Variants in DHRS1 observed in about 807,000 individuals in gnomAD.
DHRS1 encodes the protein dehydrogenase/reductase 1.
Under a neutral mutation model 35.2 loss-of-function variants are expected in DHRS1, and 34 were observed. That is an observed-to-expected ratio of 0.97 (90% CI 0.74 to 1.29). The LOEUF is 1.29. Ranked by LOEUF, DHRS1 falls within the 50% of genes most tolerant of loss-of-function variation. DHRS1 has a pLI of 0.00. For synonymous variants in DHRS1, 133 were observed against 160.0 expected, an observed-to-expected ratio of 0.83 and a Z score of 1.27; for missense variants, 354 against 403.6, an observed-to-expected ratio of 0.88 and a Z score of 1.05.
In DHRS1 at chr14:24,296,554, T is replaced by C; in HGVS notation, c.329A>G (p.Glu110Gly). ...ILNTRNKAFW[E>G]TPASMWDDIN... ...ATCATCCCACATGGAGGCAGGGGTT[T>C]CCCAGAATGCCTTATTCCTGGTGTT... is the stretch of plus-strand genomic sequence containing the variant. Residue 110 changes from glutamate to glycine, a missense_variant, in exon 4 of 9, where the codon GAA (glutamate) becomes GGA (glycine). Physicochemically the swap from Glu to Gly is moderately conservative, Grantham distance 98 (BLOSUM62 -2). Coordinates refer to ENST00000288111, the MANE Select transcript of DHRS1 (RefSeq NM_001136050.3). The C allele has an allele frequency of 6.2e-7, 1 of 1,614,174 alleles. No homozygotes were observed. Among genetic ancestry groups the C allele is most frequent in the African/African-American group, 1.3e-5 (1 of 75,022 alleles).
chr14:24,294,700 G>A (rs2041219637), intron 4 of DHRS1: 1 of 152,186 alleles, frequency 6.6e-6, no homozygotes, highest in Non-Finnish European at 1.5e-5. Context: ...AAATGCCAAA[G>A]TCATTTGTTT....
chr14:24,296,363 G>C, intron 4 of DHRS1, 146 bp downstream of exon 4: 1 of 765,664 alleles, frequency 1.3e-6, no homozygotes, highest in East Asian at 2.6e-5. Context: ...AACTTCTCCA[G>C]AGGTAAGTGG....
chr14:24,299,484 C>A (rs943954582), intron 1 of DHRS1, 97 bp downstream of exon 1: 8 of 218,946 alleles, frequency 3.7e-5, no homozygotes, highest in African/African-American at 1.8e-4. Context: ...CTGGCCTGAC[C>A]CAGTCCGGCT....
chr14:24,292,379 T>G, intron 5 of DHRS1, 49 bp from the exon 6 acceptor site: 2 of 1,608,906 alleles, frequency 1.2e-6, no homozygotes, highest in South Asian at 2.2e-5. Flanking sequence ...CATGTCACTT[T>G]CCTGCCCTGC....
chr14:24,291,185 C>T lies in DHRS1; in HGVS notation c.759G>A (p.Leu253=), dbSNP rs147405102. The change falls in exon 8 of 9, where the codon CTG becomes CTA. Residue 253 remains leucine, a synonymous_variant. Transcript: ENST00000288111. The part of the protein sequence containing the change: ...PNILSLSGKV[L]PSCDLARRYG... The stretch of plus-strand genomic sequence containing the variant: ...AGCGTCGAGCAAGGTCACAGGATGG[C>T]AGCACCTTACCACTCAGGCTCAGGA... The T allele has an allele frequency of 4.8e-5, 78 of 1,614,050 alleles. No individual in the cohort carries two copies. The highest frequency in any genetic ancestry group is 1.2e-4 in the Admixed American group (7 of 60,002).
At position 24,290,686 on chromosome 14, in the gene DHRS1, C is replaced by T. The variant is rs145354185; in HGVS notation, c.*173G>A. The stretch of plus-strand genomic sequence containing the variant: ...AAAAGAAGGACAAGGAAAACCAAGG[C>T]ACAAAGAAGGGACCTAGGCGCACCC... On this transcript the variant is annotated 3_prime_UTR_variant, in exon 9 of 9. Coordinates refer to ENST00000288111, the MANE Select transcript of DHRS1 (RefSeq NM_001136050.3). 2 of 678,980 alleles carry T rather than the reference C, an allele frequency of 2.9e-6. No homozygotes were observed. Among genetic ancestry groups the T allele is most frequent in the Non-Finnish European group, 4.9e-6 (2 of 409,360 alleles). 42.1% of individuals were successfully genotyped at this position (678,980 alleles called of 1,614,324 possible).
chr14:24,291,635 AG>A lies in DHRS1; in HGVS notation c.655-11del, dbSNP rs1172775921. The A allele has an allele frequency of 1.2e-6, 2 of 1,613,574 alleles. No individual in the cohort carries two copies. Among genetic ancestry groups the A allele is most frequent in the Non-Finnish European group, 1.7e-6 (2 of 1,179,628 alleles). On this transcript the variant is annotated splice_polypyrimidine_tract_variant and intron_variant, in intron 6 of 8. Transcript: ENST00000288111. ...AGAAGGCTGATTTGAACTGAAACACAGGGGCAGAGAAGTGAAGGGTTAATTT... is the reference window on the plus strand; with the variant it reads ...AGAAGGCTGATTTGAACTGAAACACAGGGCAGAGAAGTGAAGGGTTAATTT...
intron 4 of DHRS1, chr14:24,293,823 T>C (rs2139092848): frequency 6.6e-6 from 1 of 151,978 alleles, no homozygotes; most frequent in African/African-American, 2.4e-5. Flanking sequence ...ACCCCGTCTC[T>C]AAAAAATAAA....
At chr14:24,296,635 G>A (rs777276413) in intron 3 of DHRS1, 47 bp from the exon 4 acceptor site, 2 of 1,613,664 alleles carry the variant, frequency 1.2e-6, no homozygotes, top group Non-Finnish European at 1.7e-6. Context: ...GTAGGGAGGT[G>A]TGAGGGGCTG....
At chr14:24,291,245 T>C in intron 7 of DHRS1, 26 bp from the exon 8 acceptor site, 2 of 1,611,628 alleles carry the variant, frequency 1.2e-6, no homozygotes, top group South Asian at 1.1e-5. Context: ...CAGGTGGAGA[T>C]GGCAGGCAGG....
chr14:24,290,893 T>G lies in DHRS1; in HGVS notation c.908A>C (p.Lys303Thr). 1 of 1,613,652 alleles carries G rather than the reference T, an allele frequency of 6.2e-7. No individual in the cohort carries two copies. Among genetic ancestry groups the G allele is most frequent in the Non-Finnish European group, 8.5e-7 (1 of 1,179,898 alleles). Residue 303 changes from lysine (K) to threonine (T), a missense_variant, in exon 9 of 9, where the codon AAG becomes ACG. Lys to Thr is a moderately conservative substitution (Grantham distance 78). Coordinates refer to ENST00000288111, the MANE Select transcript of DHRS1 (RefSeq NM_001136050.3). ...SYLPSFLRVP[K>T]WIIALYTSKF The stretch of plus-strand genomic sequence containing the variant: ...GCTAGTGTAGAGGGCAATAATCCAC[T>G]TGGGCACACGGAGGAAGGAGGGCAG...
chr14:24,292,214 C>T lies in DHRS1; in HGVS notation c.624G>A (p.Glu208=), dbSNP rs762614423. ...TELLKEHMAK[E]EVLQDPVLKQ... Reference sequence around the variant, plus strand: ...TCAACACAGGATCCTGCAGGACCTCCTCCTTTGCCATATGCTCCTTCAGCA... The same window carrying T: ...TCAACACAGGATCCTGCAGGACCTCTTCCTTTGCCATATGCTCCTTCAGCA... Residue 208 remains glutamate (E), a synonymous_variant, in exon 6 of 9, where the codon GAG becomes GAA. Coordinates refer to ENST00000288111, the MANE Select transcript of DHRS1 (RefSeq NM_001136050.3). The T allele has an allele frequency of 6.2e-7, 1 of 1,614,196 alleles. No individual in the cohort carries two copies. The highest frequency in any genetic ancestry group is 1.1e-5 in the South Asian group (1 of 91,078).
intron 6 of DHRS1, 43 bp downstream of exon 6, chr14:24,292,141 C>T (rs372000290): frequency 7.4e-6 from 12 of 1,612,242 alleles, no homozygotes; most frequent in Middle Eastern, 1.7e-4. Context: ...ATGCAGAGGC[C>T]GACTCCCCTG....
At chr14:24,291,257 G>T (rs1035816061) in intron 7 of DHRS1, 38 bp from the exon 8 acceptor site, 1 of 1,600,142 alleles carries the variant, frequency 6.2e-7, no homozygotes, top group Non-Finnish European at 8.6e-7. Flanking sequence ...GCAGGCAGGG[G>T]AGTATGCAGA....
Position 24,299,305 on chromosome 14 carries a change from G to C in DHRS1, c.-24-175C>G, listed in dbSNP as rs1398433319. On this transcript the variant is annotated intron_variant, in intron 1 of 8. Coordinates refer to ENST00000288111, the MANE Select transcript of DHRS1 (RefSeq NM_001136050.3). ...TGGGTGCGGGCCTGAGGACAAGGCT[G>C]ACTGTCTTTTGGGAGGCCCAGAGAG... 8 of 591,722 alleles carry C rather than the reference G, an allele frequency of 1.4e-5. No homozygotes were observed. The Admixed American group carries it at 2.5e-4, about 19-fold the overall frequency. 36.7% of individuals were successfully genotyped at this position (591,722 alleles called of 1,614,324 possible). A position where few individuals can be genotyped will look rare whatever the true frequency, so the allele number is the denominator to read the frequency against.
At chr14:24,297,374 G>T (rs2041268248) in intron 2 of DHRS1, among the ~76,000 whole-genome samples, 4 of 152,172 alleles carry the variant, frequency 2.6e-5, no homozygotes, top group Admixed American at 2.0e-4. Context: ...AGCCATGAAT[G>T]ATTTCTACTT....
Position 24,296,887 on chromosome 14 carries a change from G to A in DHRS1, c.151-6C>T. 2 of 1,614,192 alleles carry A rather than the reference G, an allele frequency of 1.2e-6. No homozygotes were observed. The highest frequency in any genetic ancestry group is 2.2e-5 in the South Asian group (2 of 91,086). ...TGGCCCCCGAGGGATTGTGCCTGGA[G>A]TAGGACAGGGGATATGAGCTCACAT... is the stretch of plus-strand genomic sequence containing the variant. On this transcript the variant is annotated splice_region_variant and splice_polypyrimidine_tract_variant and intron_variant, in intron 2 of 8. Transcript: ENST00000288111.
chr14:24,290,660 A>G lies in DHRS1; in HGVS notation c.*199T>C, dbSNP rs2041141896. Reference sequence around the variant, plus strand: ...ATTTTTCAATACTAAGGCAAAAAGTAAAAAGAAGGACAAGGAAAACCAAGG... The same window carrying G: ...ATTTTTCAATACTAAGGCAAAAAGTGAAAAGAAGGACAAGGAAAACCAAGG... On this transcript the variant is annotated 3_prime_UTR_variant, in exon 9 of 9. Coordinates refer to ENST00000288111, the MANE Select transcript of DHRS1 (RefSeq NM_001136050.3). The G allele has an allele frequency of 6.9e-6, 4 of 579,058 alleles. No homozygotes were observed. The Admixed American group carries it at 1.3e-4, about 19-fold the overall frequency. The allele number at this position is 579,058 out of a possible 1,614,324, so 35.9% of individuals were successfully genotyped here. A position where few individuals can be genotyped will look rare whatever the true frequency, so the allele number is the denominator to read the frequency against.
rs569068131 is a variant in DHRS1, at chr14:24,291,565, A to C, written c.715T>G (p.Leu239Val). 75 of 1,614,070 alleles carry C rather than the reference A, an allele frequency of 4.6e-5. No homozygotes were observed. The highest frequency in any genetic ancestry group is 6.1e-5 in the Non-Finnish European group (72 of 1,180,042). ...TGCCCCCAAACTTCACCTGTTGCCA[A>C]AGCCACCACACATTTGCCACTCAAT... is the stretch of plus-strand genomic sequence containing the variant. The part of the protein sequence containing the change: ...TELSGKCVVA[L>V]ATDPNILSLS... The change falls in exon 7 of 9, where the codon TTG becomes GTG. Residue 239 changes from leucine to valine, a missense_variant. Leu to Val is a conservative substitution (Grantham distance 32). Transcript: ENST00000288111.
Sources: gnomAD v4.1 joint callset for allele counts (sites outside exome capture counted in the v4.1 genomes callset) on GRCh38, gnomAD v4.1.1 for gene constraint, MANE v1.5 for transcripts, NCBI Gene and HGNC (gene_info 2026-07-23, HGNC 2026-07-21) for gene names.